APBB2: variants seen among roughly 807,000 people sequenced by gnomAD.
The protein encoded by APBB2 is amyloid beta precursor protein binding family B member 2.
In APBB2, 38 loss-of-function variants were observed where a neutral mutation model predicts 82.5. That is an observed-to-expected ratio of 0.46 (90% CI 0.36 to 0.60). The LOEUF (loss-of-function observed/expected upper bound fraction) is 0.60. APBB2 is among the 20% of genes least tolerant of loss of function. The pLI is 0.00. For missense variants in APBB2, 772 were observed against 972.3 expected (o/e 0.79, Z 2.74); for synonymous variants, 341 against 368.2 (o/e 0.93, Z 0.85).
intron 1 of APBB2, among the ~76,000 whole-genome samples, chr4:41,173,134 G>A (rs971099055): frequency 1.8e-4 from 28 of 152,260 alleles, no homozygotes; most frequent in Non-Finnish European, 1.5e-4. Flanking sequence ...TTCAACTGTA[G>A]CTAAAATTTC....
At chr4:41,066,608 G>A (rs964627396) in intron 3 of APBB2, among the ~76,000 whole-genome samples, 4 of 152,182 alleles carry the variant, frequency 2.6e-5, no homozygotes, top group Non-Finnish European at 5.9e-5. Context: ...AAAAGGGGAT[G>A]CCTAGCATGT....
intron 1 of APBB2, among the ~76,000 whole-genome samples, chr4:41,166,481 G>A (rs953348899): frequency 3.9e-5 from 6 of 151,960 alleles, no homozygotes; most frequent in Non-Finnish European, 2.9e-5. Flanking sequence ...GCGAGGCTGA[G>A]GTGGAAGGAT....
At chr4:41,079,514 C>T (rs879916091) in intron 3 of APBB2, among the ~76,000 whole-genome samples, 31 of 150,302 alleles carry the variant, frequency 2.1e-4, no homozygotes, top group African/African-American at 2.9e-4. Context: ...GTTTGTGGAA[C>T]GTTAAGGGTT....
At chr4:40,834,776 G>A (rs1170230742) in intron 12 of APBB2, among the ~76,000 whole-genome samples, 4 of 152,220 alleles carry the variant, frequency 2.6e-5, no homozygotes, top group African/African-American at 4.8e-5. Flanking sequence ...GCAAGAAAAC[G>A]GATTCTCCCC....
intron 4 of APBB2, among the ~76,000 whole-genome samples, chr4:41,042,953 T>A (rs1255694596): frequency 6.6e-6 from 1 of 152,216 alleles, no homozygotes; most frequent in Non-Finnish European, 1.5e-5. Context: ...GTAGAAGAGC[T>A]GTGGGATGAA....
chr4:40,897,282 T>C lies in APBB2; in HGVS notation c.1255-3871A>G, dbSNP rs138321128. ...ACTTTTGGAGGCTAAGGCAGGCGGA[T>C]CACTTCAGGCCAGGAGTTCGAGACG... On this transcript the variant is annotated intron_variant, in intron 10 of 17. Transcript: ENST00000508593. 1.0e-3 allele frequency among the ~76,000 whole-genome samples: 155 copies of C among 152,290 alleles called. 2 individuals are homozygous for C. In the East Asian group the frequency reaches 0.026, roughly 26 times the overall value.
rs1161694689 is a variant in APBB2 at position 40,851,747 on chromosome 4, T to A, written c.1530-21170A>T. 7.2e-3 allele frequency among the ~76,000 whole-genome samples: 652 copies of A among 90,540 alleles called. 3 individuals are homozygous for A. Among genetic ancestry groups the A allele is most frequent in the African/African-American group, 0.017 (502 of 29,260 alleles). 59.4% of individuals were successfully genotyped at this position (90,540 alleles called of 152,430 possible). ...ATATATATATATATATATTTTTTTTTTTTTTTTTTTTCAAAACCAAACCAA... is the reference window on the plus strand; with the variant it reads ...ATATATATATATATATATTTTTTTTATTTTTTTTTTTCAAAACCAAACCAA... On this transcript the variant is annotated intron_variant, in intron 12 of 17. Coordinates refer to ENST00000508593, the MANE Select transcript of APBB2 (RefSeq NM_004307.2).
chr4:40,877,832 T>A (rs1767308260), intron 12 of APBB2, among the ~76,000 whole-genome samples: 1 of 152,166 alleles, frequency 6.6e-6, no homozygotes, highest in Non-Finnish European at 1.5e-5. Context: ...TGTCATGAAC[T>A]ATTGTCCAGT....
intron 1 of APBB2, among the ~76,000 whole-genome samples, chr4:41,146,323 CAAAAA>C (rs35546477): frequency 1.7e-5 from 1 of 58,350 alleles, no homozygotes; most frequent in East Asian, 5.2e-4. Context: ...AAGACTGTCT[CAAAAA>C]AAAAAAAAAA....
At chr4:41,138,332 C>T (rs182513455) in intron 2 of APBB2, among the ~76,000 whole-genome samples, 97 of 152,168 alleles carry the variant, frequency 6.4e-4, no homozygotes, top group African/African-American at 2.0e-3. Context: ...CAAACAACAC[C>T]GTTAAGAAAA....
At chr4:41,180,151 T>C (rs1027330278) in intron 1 of APBB2, among the ~76,000 whole-genome samples, 4 of 152,238 alleles carry the variant, frequency 2.6e-5, no homozygotes, top group Non-Finnish European at 4.4e-5. Flanking sequence ...TTTGGGTTAG[T>C]GAAGAGCTTC....
chr4:41,139,441 T>C (rs530582479), intron 2 of APBB2, among the ~76,000 whole-genome samples: 6 of 152,298 alleles, frequency 3.9e-5, no homozygotes, highest in East Asian at 1.9e-4. Flanking sequence ...AAAAAACTTA[T>C]CCACATATCT....
Position 40,857,282 on chromosome 4 carries a change from G to A in APBB2, c.1530-26705C>T, listed in dbSNP as rs1367996632. The A allele has an allele frequency of 4.9e-6, 3 of 612,918 alleles. No homozygotes were observed. The African/African-American group carries it at 6.0e-5, about 12-fold the overall frequency. The allele number at this position is 612,918 out of a possible 1,614,324, so 38.0% of individuals were successfully genotyped here. A position where few individuals can be genotyped will look rare whatever the true frequency, so the allele number is the denominator to read the frequency against. On this transcript the variant is annotated intron_variant, in intron 12 of 17. Transcript: ENST00000508593. Reference sequence around the variant, plus strand: ...CACTCCCGTGAAGTGCTCCCGCTAGGTGCTCCCGCCAGATGCTCCAGCTGC... The same window carrying A: ...CACTCCCGTGAAGTGCTCCCGCTAGATGCTCCCGCCAGATGCTCCAGCTGC...
chr4:41,062,129 C>A (rs577285010), intron 4 of APBB2, among the ~76,000 whole-genome samples: 14 of 152,034 alleles, frequency 9.2e-5, no homozygotes, highest in African/African-American at 3.4e-4. Flanking sequence ...CTCTGCAGAA[C>A]GTCAGCTTGA....
chr4:41,125,153 G>T (rs1298512806), intron 2 of APBB2, among the ~76,000 whole-genome samples: 1 of 152,202 alleles, frequency 6.6e-6, no homozygotes, highest in African/African-American at 2.4e-5. Flanking sequence ...AAAATTTGCT[G>T]AAAAGGCCAG....
chr4:41,073,545 A>G (rs1734609540), intron 3 of APBB2, among the ~76,000 whole-genome samples: 1 of 152,192 alleles, frequency 6.6e-6, no homozygotes. Context: ...GCAATTTTTC[A>G]CCTTCCAACT....
At position 40,810,083 on chromosome 4, in the gene APBB2, A is replaced by G. The variant is rs1251610773; in HGVS notation, c.*6009T>C. 6.6e-6 allele frequency: 1 copy of G among 152,262 alleles called. No individual in the cohort carries two copies. The highest frequency in any genetic ancestry group is 1.5e-5 in the Non-Finnish European group (1 of 68,040). 9.4% of individuals were successfully genotyped at this position (152,262 alleles called of 1,614,324 possible). On this transcript the variant is annotated 3_prime_UTR_variant, in exon 18 of 18. Coordinates refer to ENST00000508593, the MANE Select transcript of APBB2 (RefSeq NM_004307.2). ...ATTCAGTTGTATAGAAATGTTACAT[A>G]AATTCCTAAATGCTCAATTCAGGTG...
intron 3 of APBB2, among the ~76,000 whole-genome samples, chr4:41,092,018 T>C (rs967765754): frequency 3.3e-5 from 5 of 152,220 alleles, no homozygotes; most frequent in African/African-American, 1.2e-4. Context: ...CAATAAATGT[T>C]GAATAAAAGA....
At chr4:41,102,461 C>T (rs950672655) in intron 2 of APBB2, among the ~76,000 whole-genome samples, 4 of 152,174 alleles carry the variant, frequency 2.6e-5, no homozygotes, top group Non-Finnish European at 4.4e-5. Flanking sequence ...TGCTATAACG[C>T]TTGTGTTTTT....
Sources: allele counts gnomAD v4.1 joint callset (sites outside exome capture counted in the v4.1 genomes callset), GRCh38; gene constraint gnomAD v4.1.1; transcripts MANE v1.5; gene names NCBI Gene and HGNC (gene_info 2026-07-23, HGNC 2026-07-21).